SPIRE2: variants seen among roughly 807,000 people sequenced by gnomAD.
SPIRE2 encodes the protein protein spire homolog 2.
SPIRE2 carries 76 observed loss-of-function variants against 80.7 expected under a neutral mutation model. The observed-to-expected ratio is 0.94, with a 90% CI of 0.78 to 1.14. SPIRE2 has a LOEUF of 1.14. Among genes scored for constraint, SPIRE2 ranks in the 50% most tolerant of loss-of-function variants. SPIRE2 has a pLI of 0.00. For missense variants in SPIRE2, 1,196 were observed against 1,015.3 expected (o/e 1.18, Z -2.42); for synonymous variants, 535 against 432.6 (o/e 1.24, Z -2.94).
rs760052979 is a variant in SPIRE2 at position 89,856,088 on chromosome 16, C to T, written c.979-25C>T. ...CCCACCGCAGGTCCTGCTTCCCCAC[C>T]GCAGGTCTCGCTTCCCCACCGCAGG... On this transcript the variant is annotated intron_variant, in intron 6 of 14. Coordinates refer to ENST00000378247, the MANE Select transcript of SPIRE2 (RefSeq NM_032451.2). 17 of 1,601,234 alleles carry T rather than the reference C, an allele frequency of 1.1e-5. No homozygotes were observed. The Middle Eastern group carries it at 1.0e-3, about 94-fold the overall frequency.
intron 2 of SPIRE2, among the ~76,000 whole-genome samples, chr16:89,848,899 G>A (rs981515070): frequency 1.4e-5 from 2 of 138,690 alleles, no homozygotes; most frequent in Admixed American, 7.0e-5. Context: ...CAGGACAGAT[G>A]AGGCAGGTTC....
At chr16:89,848,822 C>T (rs2041591243) in intron 2 of SPIRE2, among the ~76,000 whole-genome samples, 1 of 150,878 alleles carries the variant, frequency 6.6e-6, no homozygotes, top group East Asian at 2.0e-4. Flanking sequence ...AGGCAGGTTC[C>T]AGGGCCTTCT....
chr16:89,853,101 C>T (rs780276527), intron 3 of SPIRE2, among the ~76,000 whole-genome samples: 2 of 152,294 alleles, frequency 1.3e-5, no homozygotes, highest in South Asian at 2.1e-4. Context: ...AATTAGCAGA[C>T]GGTCCTCCTG....
At chr16:89,860,494 C>T (rs1160672052) in intron 9 of SPIRE2, among the ~76,000 whole-genome samples, 189 bp from the exon 10 acceptor site, 1 of 151,992 alleles carries the variant, frequency 6.6e-6, no homozygotes, top group African/African-American at 2.4e-5. Flanking sequence ...CTCCTAGGCT[C>T]AAGGTTCCAC....
intron 1 of SPIRE2, among the ~76,000 whole-genome samples, chr16:89,832,578 G>A (rs1164150602): frequency 6.6e-6 from 1 of 152,040 alleles, no homozygotes; most frequent in African/African-American, 2.4e-5. Flanking sequence ...CTCCTCACCA[G>A]AGCTGAGGGG....
chr16:89,860,786 C>G lies in SPIRE2; in HGVS notation c.1566C>G (p.His522Gln). The G allele has an allele frequency of 1.3e-6, 2 of 1,515,888 alleles. No individual in the cohort carries two copies. The highest frequency in any genetic ancestry group is 1.8e-6 in the Non-Finnish European group (2 of 1,131,350). 93.9% of individuals were successfully genotyped at this position (1,515,888 alleles called of 1,614,324 possible). ...CCTCCATGACCCCCGATGCCAAACACCTGTGGCTGGTGAGTGAGGGTGCGA... is the reference window on the plus strand; with the variant it reads ...CCTCCATGACCCCCGATGCCAAACAGCTGTGGCTGGTGAGTGAGGGTGCGA... ...PEASMTPDAK[H>Q]LWLEFSHPVE... The change falls in exon 10 of 15, where the codon CAC (histidine) becomes CAG (glutamine). Residue 522 changes from histidine (H) to glutamine (Q), a missense_variant. Physicochemically the swap from His to Gln is conservative, Grantham distance 24 (BLOSUM62 0). Coordinates refer to ENST00000378247, the MANE Select transcript of SPIRE2 (RefSeq NM_032451.2).
rs1430341588 is a variant in SPIRE2, at chr16:89,863,357, T to C, written c.1576-119T>C. 1.8e-6 allele frequency: 2 copies of C among 1,112,774 alleles called. No individual in the cohort carries two copies. The highest frequency in any genetic ancestry group is 2.6e-6 in the Non-Finnish European group (2 of 784,066). The allele number at this position is 1,112,774 out of a possible 1,614,324, so 68.9% of individuals were successfully genotyped here. A position where few individuals can be genotyped will look rare whatever the true frequency, so the allele number is the denominator to read the frequency against. The stretch of plus-strand genomic sequence containing the variant: ...GGACAAGATGGCTGATGGACAGCGT[T>C]TTAGAAGGTCGCAGGCTTGTTTAGG... On this transcript the variant is annotated intron_variant, in intron 10 of 14. Coordinates refer to ENST00000378247, the MANE Select transcript of SPIRE2 (RefSeq NM_032451.2). This position sits in a 1 kb window ranked among gnomAD's most constrained non-coding sequence, Gnocchi z 4.3.
chr16:89,863,974 T>A lies in SPIRE2; in HGVS notation c.1778+113T>A. The A allele has an allele frequency of 1.4e-6, 1 of 733,202 alleles. No homozygotes were observed. The highest frequency in any genetic ancestry group is 2.6e-4 in the Middle Eastern group (1 of 3,888). The allele number at this position is 733,202 out of a possible 1,614,324, so 45.4% of individuals were successfully genotyped here. On this transcript the variant is annotated intron_variant, in intron 12 of 14. Transcript: ENST00000378247. The surrounding 1 kb of genome is among the most constrained non-coding windows in gnomAD (Gnocchi z 4.3). The stretch of plus-strand genomic sequence containing the variant: ...TCCAGGAATGTTCTAGCATGTTCGA[T>A]GGCTGATGAGTCCACAAGATATGGT...
At position 89,850,451 on chromosome 16, in the gene SPIRE2, G is replaced by A. The variant is rs1481820488; in HGVS notation, c.436G>A (p.Asp146Asn). 2.9e-5 allele frequency: 45 copies of A among 1,569,440 alleles called. No individual in the cohort carries two copies. Among genetic ancestry groups the A allele is most frequent in the Non-Finnish European group, 3.5e-5 (41 of 1,159,460 alleles). The stretch of plus-strand genomic sequence containing the variant: ...CGAGGACAGCGGCTGCGGTGCCGCC[G>A]ATGAGGGCTACGGGGGTCCCGAGGA... ...DSEDSGCGAA[D>N]EGYGGPEEEE... is the part of the protein sequence containing the mutation. The change falls in exon 3 of 15, where the codon GAT (aspartate) becomes AAT (asparagine). Residue 146 changes from aspartate to asparagine, a missense_variant. By Grantham distance (23) the Asp-to-Asn change is conservative. Coordinates refer to ENST00000378247, the MANE Select transcript of SPIRE2 (RefSeq NM_032451.2).
intron 1 of SPIRE2, among the ~76,000 whole-genome samples, chr16:89,842,544 G>C (rs1189614352): frequency 6.6e-6 from 1 of 152,034 alleles, no homozygotes; most frequent in Non-Finnish European, 1.5e-5. Flanking sequence ...AACTTTTTTT[G>C]TTAACCTATG....
chr16:89,860,595 C>T, intron 9 of SPIRE2, 88 bp from the exon 10 acceptor site: 1 of 910,018 alleles, frequency 1.1e-6, no homozygotes, highest in African/African-American at 1.7e-5. Context: ...CCCTGGAGCC[C>T]TCCACCATCT....
At chr16:89,865,753 G>C (rs576184249) in intron 12 of SPIRE2, among the ~76,000 whole-genome samples, 1 of 152,012 alleles carries the variant, frequency 6.6e-6, no homozygotes, top group African/African-American at 2.4e-5. Context: ...CAGATCACGA[G>C]GTCGGGAGAT....
chr16:89,846,442 A>G (rs1015915642), intron 2 of SPIRE2: 2 of 151,860 alleles, frequency 1.3e-5, no homozygotes, highest in Non-Finnish European at 2.9e-5. Flanking sequence ...TCCTGGGTTC[A>G]AGCAATTCTC....
intron 2 of SPIRE2, chr16:89,845,740 C>T (rs377549611): frequency 1.6e-5 from 10 of 617,824 alleles, no homozygotes; most frequent in Non-Finnish European, 2.9e-5. Flanking sequence ...GTGACCAGTG[C>T]CCCGAAACCC....
intron 3 of SPIRE2, among the ~76,000 whole-genome samples, chr16:89,853,970 C>T (rs2041662325): frequency 6.6e-6 from 1 of 152,268 alleles, no homozygotes; most frequent in African/African-American, 2.4e-5. Flanking sequence ...CTCAGAGAAG[C>T]AGCTCAGCGT....
rs754838386 is a variant in SPIRE2 at position 89,870,232 on chromosome 16, C to T, written c.2105C>T (p.Ser702Phe). The change falls in exon 15 of 15, where the codon TCC (serine) becomes TTC (phenylalanine). Residue 702 changes from serine (S) to phenylalanine (F), a missense_variant. Transcript: ENST00000378247. ...CCACGACGCAGTCGCCAGACCCAAT[C>T]CCTCTACATCCCTAACACCAGGACT... is the stretch of plus-strand genomic sequence containing the variant. ...TTPRRSRQTQ[S>F]LYIPNTRTLD... 2 of 1,604,196 alleles carry T rather than the reference C, an allele frequency of 1.2e-6. No individual in the cohort carries two copies. The highest frequency in any genetic ancestry group is 1.1e-5 in the South Asian group (1 of 89,260).
rs532096505 is a variant in SPIRE2 at position 89,859,281 on chromosome 16, C to G, written c.1389C>G (p.Pro463=). 3.9e-4 allele frequency: 619 copies of G among 1,605,198 alleles called. 7 individuals are homozygous for G. The South Asian group carries it at 6.2e-3, about 16-fold the overall frequency. The part of the protein sequence containing the change: ...VASGLQSATH[P]PGGTEPPRPR... ...CTGGCCTGCAGTCGGCCACCCACCC[C>G]CCAGGAGGGACGGAGCCACCACGGC... Residue 463 remains proline (P), a synonymous_variant, in exon 9 of 15, where the codon CCC becomes CCG. Coordinates refer to ENST00000378247, the MANE Select transcript of SPIRE2 (RefSeq NM_032451.2).
chr16:89,867,216 C>G (rs761895806), intron 12 of SPIRE2, among the ~76,000 whole-genome samples: 10 of 152,022 alleles, frequency 6.6e-5, no homozygotes, highest in Non-Finnish European at 1.3e-4. Context: ...ATGATCTCGG[C>G]TCACTGCAAC....
chr16:89,837,415 A>T lies in SPIRE2; in HGVS notation c.245-7907A>T, dbSNP rs761217477. On this transcript the variant is annotated intron_variant, in intron 1 of 14. Coordinates refer to ENST00000378247, the MANE Select transcript of SPIRE2 (RefSeq NM_032451.2). ...CCCTCTCTGGACCTCTTGGACCGGG[A>T]TTAATAGCATAGCCGCATCGTGAGG... Among the ~76,000 whole-genome samples, 4 of 152,246 alleles carry T rather than the reference A, an allele frequency of 2.6e-5. No homozygotes were observed. In the East Asian group the frequency reaches 7.7e-4, roughly 29 times the overall value.
Sources: gnomAD v4.1 joint callset for allele counts (sites outside exome capture counted in the v4.1 genomes callset) on GRCh38, gnomAD v4.1.1 for gene constraint, Gnocchi (gnomAD v3.1) non-coding constraint, MANE v1.5 for transcripts, NCBI Gene and HGNC (gene_info 2026-07-23, HGNC 2026-07-21) for gene names.